RAI14: variants seen among roughly 807,000 people sequenced by gnomAD.
The protein encoded by RAI14 is ankycorbin.
RAI14 carries 45 observed loss-of-function variants against 115.4 expected under a neutral mutation model. That is an observed-to-expected ratio of 0.39 (90% CI 0.31 to 0.50). The LOEUF is 0.50. Among genes scored for constraint, RAI14 ranks in the 20% least tolerant of loss-of-function variants. The pLI, the probability that RAI14 is intolerant of heterozygous loss-of-function variation, is 0.85. For missense variants in RAI14, 939 were observed against 1,131.2 expected (o/e 0.83, Z 2.44); for synonymous variants, 371 against 415.4 (o/e 0.89, Z 1.30).
rs557807760 is a variant in RAI14 at position 34,736,138 on chromosome 5, C to T, written c.37-21330C>T. ...AAATTCAGCTGGGCGCGGTGACTCA[C>T]GCCTGTAATCCCAGCACTTTCGGAG... On this transcript the variant is annotated intron_variant, in intron 2 of 17. Coordinates refer to ENST00000265109, the MANE Select transcript of RAI14 (RefSeq NM_015577.3). 3.0e-3 allele frequency among the ~76,000 whole-genome samples: 449 copies of T among 150,040 alleles called. 2 individuals are homozygous for T. The highest frequency in any genetic ancestry group is 4.5e-3 in the Non-Finnish European group (305 of 67,206).
chr5:34,760,922 C>A (rs928264597), intron 3 of RAI14, among the ~76,000 whole-genome samples: 1 of 152,160 alleles, frequency 6.6e-6, no homozygotes, highest in Non-Finnish European at 1.5e-5. Flanking sequence ...CCTCTGGCAA[C>A]CATGAATCTG....
intron 3 of RAI14, among the ~76,000 whole-genome samples, chr5:34,771,044 A>G (rs997516361): frequency 6.6e-6 from 1 of 152,186 alleles, no homozygotes; most frequent in African/African-American, 2.4e-5. Context: ...CTTCCTGATC[A>G]CAGTCACTCC....
chr5:34,690,675 T>C (rs1443948296), intron 2 of RAI14, among the ~76,000 whole-genome samples: 2 of 152,218 alleles, frequency 1.3e-5, no homozygotes, highest in Non-Finnish European at 2.9e-5. Flanking sequence ...CTGCGGGCTG[T>C]GGTTAGACAG....
intron 3 of RAI14, among the ~76,000 whole-genome samples, chr5:34,764,566 TCTCTC>T (rs1229838480): frequency 1.6e-5 from 2 of 125,562 alleles, no homozygotes; most frequent in Non-Finnish European, 3.3e-5. Context: ...TCTCTCTCTC[TCTCTC>T]ACACACAAAT....
intron 1 of RAI14, among the ~76,000 whole-genome samples, chr5:34,668,691 G>GA (rs11349912): frequency 1.3e-5 from 2 of 150,168 alleles, no homozygotes; most frequent in Non-Finnish European, 3.0e-5. Flanking sequence ...TTTAAATTGG[G>GA]AAAAAAAAAC....
intron 2 of RAI14, among the ~76,000 whole-genome samples, chr5:34,732,489 A>C (rs1561288482): frequency 6.8e-6 from 1 of 147,046 alleles, no homozygotes; most frequent in African/African-American, 2.5e-5. Context: ...CTCAGGCTAG[A>C]GTACAGTGGC....
At chr5:34,677,433 G>A (rs974946957) in intron 1 of RAI14, among the ~76,000 whole-genome samples, 8 of 152,136 alleles carry the variant, frequency 5.3e-5, no homozygotes, top group African/African-American at 1.9e-4. Flanking sequence ...TTACAGGCGT[G>A]AGCCACCACA....
chr5:34,678,229 C>T (rs1744135794), intron 1 of RAI14, among the ~76,000 whole-genome samples: 1 of 152,130 alleles, frequency 6.6e-6, no homozygotes, highest in African/African-American at 2.4e-5. Flanking sequence ...TCCCGAGTAG[C>T]TGGAATTACA....
At chr5:34,821,249 C>T (rs958002814) in intron 13 of RAI14, among the ~76,000 whole-genome samples, 4 of 152,120 alleles carry the variant, frequency 2.6e-5, no homozygotes, top group African/African-American at 7.2e-5. Context: ...GTGCAGGCTA[C>T]AGTTTCACTG....
intron 7 of RAI14, among the ~76,000 whole-genome samples, chr5:34,809,889 T>A (rs573258202): frequency 1.3e-5 from 2 of 152,320 alleles, no homozygotes; most frequent in East Asian, 3.9e-4. Flanking sequence ...CAGGCTACTT[T>A]GAGAATAAAT....
intron 2 of RAI14, among the ~76,000 whole-genome samples, chr5:34,752,745 G>GTATA (rs1373860856): frequency 7.6e-5 from 8 of 105,268 alleles, no homozygotes; most frequent in African/African-American, 2.6e-4. Context: ...GTGTGTGTGT[G>GTATA]TGTGTATATA....
chr5:34,737,319 A>G (rs1035405955), intron 2 of RAI14, among the ~76,000 whole-genome samples: 1 of 152,164 alleles, frequency 6.6e-6, no homozygotes, highest in Non-Finnish European at 1.5e-5. Flanking sequence ...AGGATTTTTG[A>G]CAAGTTAAGG....
chr5:34,712,993 T>G (rs1741581847), intron 2 of RAI14, among the ~76,000 whole-genome samples: 1 of 151,928 alleles, frequency 6.6e-6, no homozygotes, highest in Non-Finnish European at 1.5e-5. Flanking sequence ...AGATGCAAGG[T>G]TCCAGAGCAT....
At chr5:34,756,990 C>T (rs1449445583) in intron 2 of RAI14, among the ~76,000 whole-genome samples, 1 of 152,038 alleles carries the variant, frequency 6.6e-6, no homozygotes, top group East Asian at 1.9e-4. Context: ...GGTAAACAGA[C>T]CAGAAAGAGA....
chr5:34,668,793 T>A (rs1039662897), intron 1 of RAI14, among the ~76,000 whole-genome samples: 3 of 152,192 alleles, frequency 2.0e-5, no homozygotes, highest in African/African-American at 7.2e-5. Flanking sequence ...GAAAAACTCA[T>A]GTCTGCCGCT....
At chr5:34,825,711 C>T (rs1757368476) in intron 15 of RAI14, among the ~76,000 whole-genome samples, 1 of 151,574 alleles carries the variant, frequency 6.6e-6, no homozygotes, top group South Asian at 2.1e-4. Context: ...GGGGATGGTT[C>T]CACGCCTCAA....
intron 4 of RAI14, among the ~76,000 whole-genome samples, chr5:34,798,406 AAAG>A (rs906764962): frequency 4.7e-4 from 71 of 152,068 alleles, no homozygotes; most frequent in African/African-American, 1.6e-3. Flanking sequence ...AGTAAACTAT[AAAG>A]AAGAAGATAA....
chr5:34,703,696 A>G (rs1190883693), intron 2 of RAI14, among the ~76,000 whole-genome samples: 1 of 152,192 alleles, frequency 6.6e-6, no homozygotes, highest in Non-Finnish European at 1.5e-5. Flanking sequence ...CTATGTGAGC[A>G]TATTGGTAGG....
chr5:34,788,080 C>T (rs1752528351), intron 3 of RAI14, among the ~76,000 whole-genome samples: 1 of 151,492 alleles, frequency 6.6e-6, no homozygotes, highest in Admixed American at 6.6e-5. Context: ...CCACACCTGG[C>T]TAATTTTTTA....
Sources: gnomAD v4.1 joint callset for allele counts (sites outside exome capture counted in the v4.1 genomes callset) on GRCh38, gnomAD v4.1.1 for gene constraint, MANE v1.5 for transcripts, NCBI Gene and HGNC (gene_info 2026-07-23, HGNC 2026-07-21) for gene names.